The following TNPO1 variants were observed in gnomAD, a reference collection of about 807,000 sequenced individuals.
TNPO1 encodes transportin-1.
TNPO1 carries 8 observed loss-of-function variants against 119.5 expected under a neutral mutation model. That is an observed-to-expected ratio of 0.07 (90% confidence interval 0.04 to 0.12). The LOEUF (loss-of-function observed/expected upper bound fraction) is 0.12, where lower values mean the gene tolerates loss of function less well. Ranked by LOEUF, TNPO1 falls within the 10% of genes least tolerant of loss-of-function variation. The probability of loss-of-function intolerance (pLI) is 1.00; values close to 1 mark genes in which losing one functional copy is unlikely to be tolerated. For missense variants in TNPO1, 576 were observed against 1,089.8 expected (o/e 0.53, Z 6.64); for synonymous variants, 362 against 363.0 (o/e 1.00, Z 0.03).
chr5:72,899,428 A>C (rs1579934548), intron 20 of TNPO1, among the ~76,000 whole-genome samples: 1 of 152,032 alleles, frequency 6.6e-6, no homozygotes, highest in South Asian at 2.1e-4. Flanking sequence ...ACAAATTTCC[A>C]CTGGTTGGTT....
intron 20 of TNPO1, among the ~76,000 whole-genome samples, chr5:72,899,653 C>T (rs1477269643): frequency 6.6e-6 from 1 of 152,156 alleles, no homozygotes; most frequent in Non-Finnish European, 1.5e-5. Flanking sequence ...TGAAGGTTCT[C>T]TAAATTTGTC....
At chr5:72,825,282 A>G (rs555457384) in intron 1 of TNPO1, among the ~76,000 whole-genome samples, 34 of 152,306 alleles carry the variant, frequency 2.2e-4, no homozygotes, top group Non-Finnish European at 3.5e-4. Flanking sequence ...TTCTCCTGCA[A>G]TGGCTCCTGT....
At chr5:72,880,855 T>TG (rs1359656660) in intron 9 of TNPO1, among the ~76,000 whole-genome samples, 7 of 149,844 alleles carry the variant, frequency 4.7e-5, no homozygotes, top group Non-Finnish European at 1.0e-4. Flanking sequence ...AATGGCTACA[T>TG]GGGGGCTTCA....
chr5:72,850,265 A>G (rs930844993), intron 2 of TNPO1, among the ~76,000 whole-genome samples: 3 of 152,202 alleles, frequency 2.0e-5, no homozygotes, highest in African/African-American at 7.2e-5. Flanking sequence ...AATAGTTTTG[A>G]AAAATTCATT....
intron 1 of TNPO1, among the ~76,000 whole-genome samples, chr5:72,842,122 A>G (rs1258329154): frequency 2.0e-5 from 3 of 152,218 alleles, no homozygotes; most frequent in African/African-American, 7.2e-5. Flanking sequence ...TACTATATAC[A>G]TACTACTGGT....
Position 72,848,793 on chromosome 5 carries a change from C to T in TNPO1, c.129+295C>T, listed in dbSNP as rs1208614676. Among the ~76,000 whole-genome samples, 14 of 148,812 alleles carry T rather than the reference C, an allele frequency of 9.4e-5. No individual in the cohort carries two copies. In the East Asian group the frequency reaches 2.4e-3, roughly 25 times the overall value. Reference sequence around the variant, plus strand: ...CCCCGGCCGCCGCCCGGGATCGCGACATGTGCGCGGGCCGGGCCGCCACGT... The same window carrying T: ...CCCCGGCCGCCGCCCGGGATCGCGATATGTGCGCGGGCCGGGCCGCCACGT... On this transcript the variant is annotated intron_variant, in intron 2 of 24. Coordinates refer to ENST00000337273, the MANE Select transcript of TNPO1 (RefSeq NM_002270.4).
chr5:72,870,452 G>A (rs961022518), intron 6 of TNPO1, among the ~76,000 whole-genome samples: 1 of 151,984 alleles, frequency 6.6e-6, no homozygotes, highest in Non-Finnish European at 1.5e-5. Flanking sequence ...GTGAGCCACC[G>A]TGCCCAGCCA....
chr5:72,874,765 A>G (rs1246802919), intron 7 of TNPO1, among the ~76,000 whole-genome samples: 1 of 152,212 alleles, frequency 6.6e-6, no homozygotes, highest in East Asian at 1.9e-4. Context: ...TCCTGGAAAA[A>G]GACAGTGGGA....
In TNPO1 at chr5:72,843,835, CTG is replaced by C. The variant is rs201945768; in HGVS notation, c.16-4548_16-4547del. The stretch of plus-strand genomic sequence containing the variant: ...AACCAGATGGGGGGAAAATGCATCT[CTG>C]TCTCCTGGTGGAATGTATTTGCTTT... On this transcript the variant is annotated intron_variant, in intron 1 of 24. Transcript: ENST00000337273. 1.4e-4 allele frequency among the ~76,000 whole-genome samples: 22 copies of C among 152,276 alleles called. No homozygotes were observed. The East Asian group carries it at 3.7e-3, about 25-fold the overall frequency.
chr5:72,850,848 T>C (rs1384091033), intron 2 of TNPO1, among the ~76,000 whole-genome samples: 1 of 152,262 alleles, frequency 6.6e-6, no homozygotes, highest in Non-Finnish European at 1.5e-5. Context: ...CTCTAAATGA[T>C]CTTCAACTCT....
At chr5:72,866,570 G>A (rs1024563971) in intron 6 of TNPO1, among the ~76,000 whole-genome samples, 1 of 152,082 alleles carries the variant, frequency 6.6e-6, no homozygotes, top group East Asian at 1.9e-4. Flanking sequence ...CCTGGGCAAC[G>A]TGATGAGACC....
intron 1 of TNPO1, among the ~76,000 whole-genome samples, chr5:72,844,532 G>A (rs1745044588): frequency 6.6e-6 from 1 of 152,226 alleles, no homozygotes; most frequent in Non-Finnish European, 1.5e-5. Flanking sequence ...ACCAGATGAT[G>A]AAGAGACTTC....
chr5:72,901,572 A>G (rs144940503), intron 22 of TNPO1, among the ~76,000 whole-genome samples: 37 of 152,330 alleles, frequency 2.4e-4, no homozygotes, highest in African/African-American at 8.2e-4. Context: ...TCCAAGTTCA[A>G]GTTATATGTA....
At chr5:72,841,093 A>G (rs569727048) in intron 1 of TNPO1, among the ~76,000 whole-genome samples, 2 of 148,638 alleles carry the variant, frequency 1.3e-5, no homozygotes, top group East Asian at 2.0e-4. Context: ...TTCTTGATCC[A>G]TAACCTCTGG....
Position 72,893,502 on chromosome 5 carries a change from T to C in TNPO1, c.2022T>C (p.Ser674=). The part of the protein sequence containing the change: ...GGNIEQLVAR[S]NILTLMYQCM... ...ACATTGAACAGCTGGTAGCCCGAAG[T>C]AACATCCTGACACTAATGTATCAGT... Residue 674 remains serine (S), a synonymous_variant, in exon 17 of 25, where the codon AGT becomes AGC. Transcript: ENST00000337273. 1.2e-6 allele frequency: 2 copies of C among 1,614,196 alleles called. No individual in the cohort carries two copies. The highest frequency in any genetic ancestry group is 1.3e-5 in the African/African-American group (1 of 75,060).
rs200399723 is a variant in TNPO1, at chr5:72,901,010, A to G, written c.2451A>G (p.Glu817=). Residue 817 remains glutamate, a synonymous_variant, in exon 22 of 25, where the codon GAA becomes GAG. Transcript: ENST00000337273. ...TSLRNIRDNE[E]KDSAFRGICT... The stretch of plus-strand genomic sequence containing the variant: ...TGAGAAACATAAGAGACAATGAGGA[A>G]AAGGATTCAGCATTCCGTGGAATTT... The G allele has an allele frequency of 8.8e-5, 142 of 1,612,308 alleles. No homozygotes were observed. In the Admixed American group the frequency reaches 9.7e-4, roughly 11 times the overall value.
rs1748379888 is a variant in TNPO1, at chr5:72,883,245, G to A, written c.1150+13G>A. On this transcript the variant is annotated intron_variant, in intron 11 of 24. Transcript: ENST00000337273. The stretch of plus-strand genomic sequence containing the variant: ...GACTGGAATCTAAGTAAGTCAGAAA[G>A]GGAAAAGCACAGTTGCCTACTTTGA... The A allele has an allele frequency of 7.7e-7, 1 of 1,299,698 alleles. No homozygotes were observed. Among genetic ancestry groups the A allele is most frequent in the East Asian group, 2.3e-5 (1 of 43,188 alleles). 80.5% of individuals were successfully genotyped at this position (1,299,698 alleles called of 1,614,324 possible).
In TNPO1 at chr5:72,816,721, C is replaced by G. The variant is rs565723390; in HGVS notation, c.-17C>G. 8.3e-6 allele frequency: 13 copies of G among 1,571,530 alleles called. No individual in the cohort carries two copies. The East Asian group carries it at 3.1e-4, about 38-fold the overall frequency. On this transcript the variant is annotated 5_prime_UTR_variant, in exon 1 of 25. Transcript: ENST00000337273. ...GTGCCGCTTCGGCCGAAGGCCCGAG[C>G]GCCCGAGGCGTCTGGGATGGTGTGG...
At chr5:72,904,365 T>C (rs1749989936) in intron 23 of TNPO1, among the ~76,000 whole-genome samples, 1 of 152,236 alleles carries the variant, frequency 6.6e-6, no homozygotes, top group Admixed American at 6.5e-5. Context: ...TAGTATGGTA[T>C]CAGAGATTGC....
Sources: gnomAD v4.1 joint callset for allele counts (sites outside exome capture counted in the v4.1 genomes callset) on GRCh38, gnomAD v4.1.1 for gene constraint, MANE v1.5 for transcripts, NCBI Gene and HGNC (gene_info 2026-07-23, HGNC 2026-07-21) for gene names.